Variants in CCDC13 observed in about 807,000 individuals in gnomAD.
CCDC13 encodes coiled-coil domain containing 13, also known as coiled-coil domain-containing protein 13.
Under a neutral mutation model 87.3 loss-of-function variants are expected in CCDC13, and 70 were observed. The observed-to-expected ratio is 0.80, with a 90% CI of 0.66 to 0.98. The LOEUF (loss-of-function observed/expected upper bound fraction) is 0.98, where lower values mean the gene tolerates loss of function less well. Among genes scored for constraint, CCDC13 ranks in the 50% least tolerant of loss-of-function variants. The pLI is 0.00. For missense variants in CCDC13, 842 were observed against 892.0 expected (o/e 0.94, Z 0.71); for synonymous variants, 317 against 360.3 (o/e 0.88, Z 1.36).
chr3:42,733,480 C>T lies in CCDC13; in HGVS notation c.1501G>A (p.Gly501Arg). Residue 501 changes from glycine to arginine, a missense_variant, in exon 11 of 16, where the codon GGA (glycine) becomes AGA (arginine). Coordinates refer to ENST00000310232, the MANE Select transcript of CCDC13 (RefSeq NM_144719.4). ...CCATTGTTTTCTTACCGAGAAGATC[C>T]AAGCCTGCCAACATGATCGCCTGCT... ...ASAGDHVGRL[G>R]SSRSVTSLGH... 6.2e-7 allele frequency: 1 copy of T among 1,614,184 alleles called. No individual in the cohort carries two copies. Among genetic ancestry groups the T allele is most frequent in the African/African-American group, 1.3e-5 (1 of 75,054 alleles).
chr3:42,758,063 AC>A, intron 2 of CCDC13, 61 bp downstream of exon 2: 1 of 238,696 alleles, frequency 4.2e-6, no homozygotes, highest in Non-Finnish European at 5.4e-6. Flanking sequence ...CTCCGGTGGT[AC>A]ACACACACAC....
chr3:42,772,141 G>A (rs1377888344), intron 1 of CCDC13, among the ~76,000 whole-genome samples: 5 of 151,548 alleles, frequency 3.3e-5, no homozygotes, highest in African/African-American at 4.9e-5. Flanking sequence ...GCATGGTGGC[G>A]GGCGCCTGTA....
intron 9 of CCDC13, 131 bp from the exon 10 acceptor site, chr3:42,736,044 A>G: frequency 1.3e-6 from 1 of 778,542 alleles, no homozygotes; most frequent in Non-Finnish European, 2.1e-6. Context: ...TTCCCTCGAG[A>G]GGCAGGAACA....
intron 13 of CCDC13, among the ~76,000 whole-genome samples, chr3:42,715,494 C>T (rs1443767918): frequency 6.6e-6 from 1 of 151,874 alleles, no homozygotes; most frequent in Non-Finnish European, 1.5e-5. Flanking sequence ...TGCTTGTAGT[C>T]CCAGTTACTT....
intron 12 of CCDC13, 99 bp from the exon 13 acceptor site, chr3:42,730,688 C>G (rs10865921): frequency 2.7e-6 from 4 of 1,482,554 alleles, no homozygotes; most frequent in Non-Finnish European, 3.7e-6. Context: ...ACATTCAGGG[C>G]GAATGTCAGC....
At chr3:42,733,037 T>C (rs1698885820) in intron 11 of CCDC13, 67 bp from the exon 12 acceptor site, 2 of 1,332,334 alleles carry the variant, frequency 1.5e-6, no homozygotes, top group Admixed American at 4.4e-5. Flanking sequence ...GCCTCACCTC[T>C]GCATGTGAGG....
chr3:42,705,164 C>T (rs1047425642), downstream of CCDC13, among the ~76,000 whole-genome samples: 8 of 152,074 alleles, frequency 5.3e-5, no homozygotes, highest in Admixed American at 1.3e-4. Flanking sequence ...AGTCAGTGTA[C>T]GTAAAGGCAC....
Position 42,747,339 on chromosome 3 carries a change from C to T in CCDC13, c.638G>A (p.Arg213Lys). 6.2e-7 allele frequency: 1 copy of T among 1,614,146 alleles called. No homozygotes were observed. Among genetic ancestry groups the T allele is most frequent in the Non-Finnish European group, 8.5e-7 (1 of 1,180,032 alleles). Residue 213 changes from arginine to lysine, a missense_variant, in exon 6 of 16, where the codon AGG (arginine) becomes AAG (lysine). By Grantham distance (26) the Arg-to-Lys change is conservative (BLOSUM62 2). Transcript: ENST00000310232. The part of the protein sequence containing the change: ...ETPEVKALQD[R>K]LVATNLKMSD... ...CATCTTCAAGTTGGTGGCCACCAGC[C>T]TGTCCTGCAGGGCCTTCACCTCTGG...
At chr3:42,766,079 A>C (rs1472878311) in intron 1 of CCDC13, among the ~76,000 whole-genome samples, 1 of 152,022 alleles carries the variant, frequency 6.6e-6, no homozygotes, top group African/African-American at 2.4e-5. Flanking sequence ...ATTGCTGCCA[A>C]ATGGAAGGGA....
chr3:42,758,466 T>A (rs1428346209), intron 1 of CCDC13, 115 bp from the exon 2 acceptor site: 1 of 958,080 alleles, frequency 1.0e-6, no homozygotes, highest in East Asian at 2.6e-5. Context: ...GTTGCATGTA[T>A]GTCCACGCAG....
rs1283249153 is a variant in CCDC13 at position 42,707,520 on chromosome 3, G to A, written c.*1460C>T. ...CCAAGGAAGGGGCTGAGAAGACAGG[G>A]TCCCAGGAGCCGCAGTGGCTTTTCC... On this transcript the variant is annotated 3_prime_UTR_variant, in exon 16 of 16. Coordinates refer to ENST00000310232, the MANE Select transcript of CCDC13 (RefSeq NM_144719.4). Among the ~76,000 whole-genome samples the A allele has an allele frequency of 6.6e-6, 1 of 152,222 alleles. No individual in the cohort carries two copies. Among genetic ancestry groups the A allele is most frequent in the Non-Finnish European group, 1.5e-5 (1 of 68,050 alleles).
intron 1 of CCDC13, among the ~76,000 whole-genome samples, chr3:42,768,995 G>A (rs148924893): frequency 0.028 from 4,207 of 151,952 alleles, 82 homozygotes; most frequent in Middle Eastern, 0.065. Context: ...AAAATTAGCT[G>A]GGCGTGGTGG....
At chr3:42,754,378 G>C (rs192568704) in intron 3 of CCDC13, among the ~76,000 whole-genome samples, 2 of 152,156 alleles carry the variant, frequency 1.3e-5, no homozygotes, top group Non-Finnish European at 2.9e-5. Flanking sequence ...TCTAGAGGGA[G>C]ACAGGCCCCA....
At chr3:42,719,380 T>G (rs1698505321) in intron 13 of CCDC13, 1 of 39,428 alleles carries the variant, frequency 2.5e-5, no homozygotes, top group African/African-American at 9.9e-5. Context: ...AGGCAGTGCT[T>G]TCCTCTCTCT....
intron 13 of CCDC13, among the ~76,000 whole-genome samples, chr3:42,719,773 C>T (rs948393336): frequency 6.6e-6 from 1 of 152,108 alleles, no homozygotes; most frequent in Non-Finnish European, 1.5e-5. Context: ...GTTCAGGGTT[C>T]CATTCCCAGC....
In CCDC13 at chr3:42,733,467, T is replaced by C; in HGVS notation, c.1511+3A>G. The C allele has an allele frequency of 6.2e-7, 1 of 1,614,154 alleles. No individual in the cohort carries two copies. Among genetic ancestry groups the C allele is most frequent in the Non-Finnish European group, 8.5e-7 (1 of 1,180,002 alleles). On this transcript the variant is annotated splice_donor_region_variant and intron_variant, in intron 11 of 15. Coordinates refer to ENST00000310232, the MANE Select transcript of CCDC13 (RefSeq NM_144719.4). The stretch of plus-strand genomic sequence containing the variant: ...CAACCCCTCCCTCCCATTGTTTTCT[T>C]ACCGAGAAGATCCAAGCCTGCCAAC...
chr3:42,771,845 T>C (rs1257315131), intron 1 of CCDC13, among the ~76,000 whole-genome samples: 1 of 152,178 alleles, frequency 6.6e-6, no homozygotes, highest in African/African-American at 2.4e-5. Flanking sequence ...GTTGTATCAA[T>C]GATAACAAAT....
At chr3:42,728,818 G>A (rs989505691) in intron 13 of CCDC13, among the ~76,000 whole-genome samples, 1 of 152,130 alleles carries the variant, frequency 6.6e-6, no homozygotes, top group Admixed American at 6.5e-5. Flanking sequence ...GTAGCAGGAG[G>A]AACCCAAGGA....
chr3:42,734,161 T>C (rs1698922033), intron 10 of CCDC13, among the ~76,000 whole-genome samples: 1 of 152,130 alleles, frequency 6.6e-6, no homozygotes, highest in African/African-American at 2.4e-5. Flanking sequence ...ACAGGAACAT[T>C]AGAGGACCCC....
Sources: allele counts gnomAD v4.1 joint callset (sites outside exome capture counted in the v4.1 genomes callset), GRCh38; gene constraint gnomAD v4.1.1; transcripts MANE v1.5; gene names NCBI Gene and HGNC (gene_info 2026-07-23, HGNC 2026-07-21).